INTS1: variants seen among roughly 807,000 people sequenced by gnomAD.
The protein encoded by INTS1 is integrator complex subunit 1.
In INTS1, 137 loss-of-function variants were observed where a neutral mutation model predicts 241.6. That is an observed-to-expected ratio of 0.57 (90% CI 0.49 to 0.65). The LOEUF is 0.65. Among genes scored for constraint, INTS1 ranks in the 30% least tolerant of loss-of-function variants. INTS1 has a pLI of 0.00. For synonymous variants in INTS1, 1,692 were observed against 1,337.8 expected (o/e 1.26, Z -5.78); for missense variants, 3,073 against 3,032.2 (o/e 1.01, Z -0.32).
chr7:1,498,676 C>T (rs1218203176), intron 9 of INTS1, 31 bp downstream of exon 9: 11 of 1,544,600 alleles, frequency 7.1e-6, no homozygotes, highest in Non-Finnish European at 7.9e-6. Flanking sequence ...ACTCCACCCG[C>T]ACCCCCGCTC....
At chr7:1,500,145 C>G in intron 4 of INTS1, 25 bp downstream of exon 4, 4 of 1,580,878 alleles carry the variant, frequency 2.5e-6, no homozygotes, top group Non-Finnish European at 3.5e-6. Context: ...CGCTGCTCGC[C>G]TCCTGCCAGG....
Position 1,474,165 on chromosome 7 carries a change from C to T in INTS1, c.5829+3G>A, listed in dbSNP as rs567243035. The T allele has an allele frequency of 1.9e-6, 3 of 1,563,416 alleles. No individual in the cohort carries two copies. The South Asian group carries it at 3.5e-5, about 18-fold the overall frequency. On this transcript the variant is annotated splice_donor_region_variant and intron_variant, in intron 41 of 47. Transcript: ENST00000404767. ...CGCGAGGGCGGGCGGCGGGAGCACA[C>T]ACCAGCAGCAGGCGGATGAAGGACA... is the stretch of plus-strand genomic sequence containing the variant.
intron 29 of INTS1, 29 bp downstream of exon 29, chr7:1,480,806 T>A (rs1781957477): frequency 6.6e-7 from 1 of 1,516,922 alleles, no homozygotes; most frequent in Non-Finnish European, 8.9e-7. Context: ...AGGCTGGGTC[T>A]CTGTGCTGGC....
intron 3 of INTS1, 29 bp from the exon 4 acceptor site, chr7:1,500,395 C>G (rs554333447): frequency 1.3e-6 from 2 of 1,523,126 alleles, no homozygotes; most frequent in East Asian, 4.7e-5. Context: ...ACGGTCAGAA[C>G]GGGGCCAGGG....
chr7:1,473,582 G>C lies in INTS1; in HGVS notation c.5941C>G (p.His1981Asp). Residue 1981 changes from histidine to aspartate, a missense_variant, in exon 42 of 48, where the codon CAC (histidine) becomes GAC (aspartate). Physicochemically the swap from His to Asp is moderately conservative, Grantham distance 81. Transcript: ENST00000404767. ...APAAISFLQK[H>D]ADPLHDLSFD... ...GGCACTCACTGGAGCGGGTCGGCGT[G>C]CTTCTGCAGGAAGGAGATGGCTGCT... 6.2e-7 allele frequency: 1 copy of C among 1,602,108 alleles called. No individual in the cohort carries two copies. Among genetic ancestry groups the C allele is most frequent in the Admixed American group, 1.7e-5 (1 of 57,932 alleles).
In INTS1 at chr7:1,481,366, G is replaced by A. The variant is rs1017950039; in HGVS notation, c.3826C>T (p.Leu1276=). The stretch of plus-strand genomic sequence containing the variant: ...CTCTTGTCCATGATGTTCTGCTCCA[G>A]AGTCTGGGGGTCGTGGGCCACTGCC... ...DQAVAHDPQT[L]EQNIMDKNYM... is the part of the protein sequence containing the mutation. The change falls in exon 28 of 48, where the codon CTG becomes TTG. Residue 1276 remains leucine, a synonymous_variant. Coordinates refer to ENST00000404767, the MANE Select transcript of INTS1 (RefSeq NM_001080453.3). This position sits in a 1 kb window ranked among gnomAD's most constrained non-coding sequence, Gnocchi z 6.8. The A allele has an allele frequency of 1.2e-6, 2 of 1,613,058 alleles. No individual in the cohort carries two copies. The highest frequency in any genetic ancestry group is 2.2e-5 in the South Asian group (2 of 91,086).
At chr7:1,473,786 G>A in intron 41 of INTS1, 93 bp from the exon 42 acceptor site, 3 of 1,497,488 alleles carry the variant, frequency 2.0e-6, no homozygotes, top group Non-Finnish European at 2.7e-6. Flanking sequence ...CTCAGGGCAT[G>A]GACCCCACAG....
chr7:1,497,071 A>C lies in INTS1; in HGVS notation c.1602+67T>G. 1 of 1,466,018 alleles carries C rather than the reference A, an allele frequency of 6.8e-7. No individual in the cohort carries two copies. The highest frequency in any genetic ancestry group is 2.0e-4 in the Middle Eastern group (1 of 4,966). The allele number at this position is 1,466,018 out of a possible 1,614,324, so 90.8% of individuals were successfully genotyped here. ...GGGTGGAGTGTGCATGGGACCCAGG[A>C]CGAGGGGGATGGCGGCGCGTGGAAC... is the stretch of plus-strand genomic sequence containing the variant. On this transcript the variant is annotated intron_variant, in intron 11 of 47. Transcript: ENST00000404767. This position sits in a 1 kb window ranked among gnomAD's most constrained non-coding sequence, Gnocchi z 5.3.
intron 3 of INTS1, 61 bp downstream of exon 3, chr7:1,502,840 A>C (rs574944831): frequency 4.4e-6 from 7 of 1,585,088 alleles, no homozygotes; most frequent in African/African-American, 1.3e-5. Context: ...GCCTTCCCTG[A>C]ACACCTGATG....
intron 44 of INTS1, 91 bp from the exon 45 acceptor site, chr7:1,471,732 G>A (rs1367784058): frequency 5.0e-6 from 6 of 1,197,346 alleles, no homozygotes; most frequent in Non-Finnish European, 6.2e-6. Context: ...GCAAGGCCCC[G>A]AGCACCACAG....
At position 1,502,826 on chromosome 7, in the gene INTS1, G is replaced by C. The variant is rs866643471; in HGVS notation, c.349+75C>G. ...CCATACGGGCAGCACTAGGCCTGGA[G>C]GGGGCCTTCCCTGAACACCTGATGG... On this transcript the variant is annotated intron_variant, in intron 3 of 47. Coordinates refer to ENST00000404767, the MANE Select transcript of INTS1 (RefSeq NM_001080453.3). The C allele has an allele frequency of 2.0e-5, 30 of 1,523,990 alleles. 1 individual carries two copies. In the Middle Eastern group the frequency reaches 8.7e-4, roughly 44 times the overall value. The allele number at this position is 1,523,990 out of a possible 1,614,324, so 94.4% of individuals were successfully genotyped here.
At chr7:1,501,563 G>A (rs1783183843) in intron 3 of INTS1, among the ~76,000 whole-genome samples, 2 of 152,012 alleles carry the variant, frequency 1.3e-5, no homozygotes, top group African/African-American at 4.8e-5. Flanking sequence ...TCATAACCAC[G>A]TCTCCTCTCA....
At position 1,496,158 on chromosome 7, in the gene INTS1, C is replaced by T. The variant is rs746678058; in HGVS notation, c.1709G>A (p.Arg570Lys). 3.7e-6 allele frequency: 6 copies of T among 1,613,354 alleles called. No individual in the cohort carries two copies. The African/African-American group carries it at 4.0e-5, about 11-fold the overall frequency. ...AGIAWDKGEK[R>K]NLEVLRSFQN... ...CCAGGCCACCCCCACATCCTTACTC[C>T]TCTTTTCTCCTTTGTCCCAGGCGAT... Residue 570 changes from arginine to lysine, a missense_variant and splice_region_variant, in exon 12 of 48, where the codon AGG becomes AAG. Transcript: ENST00000404767.
chr7:1,471,371 G>T, intron 45 of INTS1, 147 bp from the exon 46 acceptor site: 1 of 1,028,236 alleles, frequency 9.7e-7, no homozygotes, highest in Non-Finnish European at 1.4e-6. Flanking sequence ...CCACTGGCCG[G>T]TCCCAGCCCG....
At chr7:1,474,410 G>A in intron 40 of INTS1, 50 bp from the exon 41 acceptor site, 1 of 1,516,086 alleles carries the variant, frequency 6.6e-7, no homozygotes. Flanking sequence ...GGCTCACCTG[G>A]CGCACGTCCC....
intron 18 of INTS1, 70 bp downstream of exon 18, chr7:1,489,274 A>T: frequency 7.0e-7 from 1 of 1,421,918 alleles, no homozygotes; most frequent in Non-Finnish European, 9.7e-7. Context: ...AGCAGGGAAC[A>T]CAGCCCCAGC....
chr7:1,499,214 C>T, intron 7 of INTS1, 41 bp downstream of exon 7: 1 of 1,604,690 alleles, frequency 6.2e-7, no homozygotes, highest in Non-Finnish European at 8.5e-7. Context: ...AGGCGCCCGC[C>T]CCCGCCGCCC....
chr7:1,470,999 C>T, intron 46 of INTS1, 44 bp from the exon 47 acceptor site: 2 of 1,525,424 alleles, frequency 1.3e-6, no homozygotes, highest in Non-Finnish European at 1.8e-6. Context: ...ACCCTGTGCC[C>T]ACGCCAGACC....
rs775412414 is a variant in INTS1 at position 1,477,927 on chromosome 7, C to T, written c.4640G>A (p.Gly1547Glu). The T allele has an allele frequency of 1.9e-6, 3 of 1,612,390 alleles. No homozygotes were observed. The highest frequency in any genetic ancestry group is 2.2e-5 in the South Asian group (2 of 91,088). ...EPDLISKVLQ[G>E]LIEVRSPHLE... Reference sequence around the variant, plus strand: ...GTGGGGGGACCTCACCTCGATCAGCCCCTGGAGGACTGCGCAAGGGACAAA... The same window carrying T: ...GTGGGGGGACCTCACCTCGATCAGCTCCTGGAGGACTGCGCAAGGGACAAA... Residue 1547 changes from glycine (G) to glutamate (E), a missense_variant, in exon 34 of 48, where the codon GGG becomes GAG. Physicochemically the swap from Gly to Glu is moderately conservative, Grantham distance 98. Coordinates refer to ENST00000404767, the MANE Select transcript of INTS1 (RefSeq NM_001080453.3).
Sources: allele counts gnomAD v4.1 joint callset (sites outside exome capture counted in the v4.1 genomes callset), GRCh38; gene constraint gnomAD v4.1.1; non-coding constraint Gnocchi (gnomAD v3.1); transcripts MANE v1.5; gene names NCBI Gene and HGNC (gene_info 2026-07-23, HGNC 2026-07-21).